NTM: variants seen among roughly 807,000 people sequenced by gnomAD.
NTM encodes neurotrimin.
NTM carries 13 observed loss-of-function variants against 42.1 expected under a neutral mutation model. That is an observed-to-expected ratio of 0.31 (90% CI 0.20 to 0.49). The LOEUF (loss-of-function observed/expected upper bound fraction) is 0.49. NTM is among the 20% of genes least tolerant of loss of function. The probability of loss-of-function intolerance (pLI) is 0.99; values close to 1 mark genes in which losing one functional copy is unlikely to be tolerated. For missense variants in NTM, 373 were observed against 452.8 expected (o/e 0.82, Z 1.60); for synonymous variants, 187 against 179.2 (o/e 1.04, Z -0.35).
intron 2 of NTM, among the ~76,000 whole-genome samples, chr11:132,016,765 T>C (rs1377493094): frequency 1.3e-5 from 2 of 151,930 alleles, no homozygotes; most frequent in Non-Finnish European, 2.9e-5. Flanking sequence ...CCACCAACAA[T>C]TTATGAGTTT....
At position 131,786,375 on chromosome 11, in the gene NTM, C is replaced by T. The variant is rs554954102; in HGVS notation, c.83-125189C>T. 9.8e-5 allele frequency among the ~76,000 whole-genome samples: 15 copies of T among 152,320 alleles called. No homozygotes were observed. In the East Asian group the frequency reaches 1.2e-3, roughly 12 times the overall value. On this transcript the variant is annotated intron_variant, in intron 1 of 8. Transcript: ENST00000683400. ...GGTTATATCTGTTTTACCATGTTTA[C>T]GCTCATGAATGCCTTACAAATTCTG...
intron 1 of NTM, among the ~76,000 whole-genome samples, chr11:131,642,396 C>A (rs1328584658): frequency 6.6e-6 from 1 of 152,200 alleles, no homozygotes; most frequent in Admixed American, 6.5e-5. Flanking sequence ...GTGGGAGAAG[C>A]AACTTTGAAA....
At chr11:131,639,241 A>G (rs1029119430) in intron 1 of NTM, among the ~76,000 whole-genome samples, 1 of 152,226 alleles carries the variant, frequency 6.6e-6, no homozygotes, top group African/African-American at 2.4e-5. Flanking sequence ...TAGACATACC[A>G]TTTGGAATGG....
At chr11:132,177,126 A>G (rs1413217008) in intron 3 of NTM, among the ~76,000 whole-genome samples, 1 of 152,202 alleles carries the variant, frequency 6.6e-6, no homozygotes. Context: ...ATAACAGTCT[A>G]AAGCTCAGCA....
intron 1 of NTM, among the ~76,000 whole-genome samples, chr11:131,892,045 T>C (rs1392026591): frequency 6.6e-6 from 1 of 152,228 alleles, no homozygotes; most frequent in Non-Finnish European, 1.5e-5. Context: ...GATTTGGAGT[T>C]AGACGACTAA....
At chr11:132,193,905 G>A (rs1041611610) in intron 3 of NTM, among the ~76,000 whole-genome samples, 1 of 152,042 alleles carries the variant, frequency 6.6e-6, no homozygotes, top group African/African-American at 2.4e-5. Context: ...AGCCTCCCAA[G>A]ATTGAACCAG....
At chr11:131,768,870 G>A (rs979198466) in intron 1 of NTM, among the ~76,000 whole-genome samples, 2 of 152,218 alleles carry the variant, frequency 1.3e-5, no homozygotes, top group African/African-American at 4.8e-5. Flanking sequence ...CAGAGTCCAG[G>A]CCAGTGTAGA....
intron 1 of NTM, among the ~76,000 whole-genome samples, chr11:131,500,842 G>T (rs1047053754): frequency 6.7e-6 from 1 of 148,186 alleles, no homozygotes; most frequent in African/African-American, 2.5e-5. Context: ...TGCGGTGTTT[G>T]GTTTTTTGTC....
At chr11:131,964,955 C>G (rs901185470) in intron 2 of NTM, among the ~76,000 whole-genome samples, 1 of 152,160 alleles carries the variant, frequency 6.6e-6, no homozygotes, top group Admixed American at 6.5e-5. Context: ...ATCAATAAAA[C>G]TTACCCTGGC....
intron 1 of NTM, among the ~76,000 whole-genome samples, chr11:131,787,671 G>A (rs1033922527): frequency 6.6e-5 from 10 of 152,066 alleles, no homozygotes; most frequent in Non-Finnish European, 1.5e-4. Flanking sequence ...TGTGAGCCAC[G>A]GCGCTCGGCC....
intron 1 of NTM, among the ~76,000 whole-genome samples, chr11:131,512,494 G>C (rs1220545772): frequency 6.6e-6 from 1 of 152,078 alleles, no homozygotes; most frequent in African/African-American, 2.4e-5. Context: ...CCCACAGCTG[G>C]GTGCCTCCTG....
intron 1 of NTM, among the ~76,000 whole-genome samples, chr11:131,697,845 T>C (rs1213614224): frequency 6.6e-6 from 1 of 152,218 alleles, no homozygotes; most frequent in Non-Finnish European, 1.5e-5. Context: ...TGTTTTCTCC[T>C]GTGCTTGGTA....
At chr11:132,166,484 A>G (rs939580492) in intron 3 of NTM, among the ~76,000 whole-genome samples, 1 of 152,158 alleles carries the variant, frequency 6.6e-6, no homozygotes. Flanking sequence ...TGAAGCCCCA[A>G]CACATGGAGG....
At chr11:131,513,957 T>C (rs2048575841) in intron 1 of NTM, among the ~76,000 whole-genome samples, 1 of 152,142 alleles carries the variant, frequency 6.6e-6, no homozygotes, top group African/African-American at 2.4e-5. Flanking sequence ...GACAGAAGCA[T>C]GCTCTGTGTC....
intron 2 of NTM, among the ~76,000 whole-genome samples, chr11:132,108,676 T>C (rs2062741024): frequency 6.6e-6 from 1 of 152,044 alleles, no homozygotes; most frequent in Admixed American, 6.6e-5. Flanking sequence ...AAAAACCTAT[T>C]GAAATAAAAA....
intron 2 of NTM, among the ~76,000 whole-genome samples, chr11:131,994,090 G>A (rs965034228): frequency 3.3e-5 from 5 of 151,824 alleles, no homozygotes; most frequent in African/African-American, 9.7e-5. Flanking sequence ...TGTCTCTAAA[G>A]GTGGAGAAAG....
At chr11:132,049,168 A>T (rs1447511637) in intron 2 of NTM, among the ~76,000 whole-genome samples, 1 of 152,126 alleles carries the variant, frequency 6.6e-6, no homozygotes, top group Non-Finnish European at 1.5e-5. Flanking sequence ...CAAAAGAGGA[A>T]ATCAGACACA....
intron 1 of NTM, among the ~76,000 whole-genome samples, chr11:131,476,181 C>G (rs1156800111): frequency 2.0e-5 from 3 of 152,186 alleles, no homozygotes; most frequent in Non-Finnish European, 4.4e-5. Context: ...ATTTTATGTT[C>G]TTGCCTAGGG....
intron 1 of NTM, among the ~76,000 whole-genome samples, chr11:131,905,268 T>C (rs949182663): frequency 6.6e-6 from 1 of 152,208 alleles, no homozygotes; most frequent in South Asian, 2.1e-4. Flanking sequence ...CTGGTCTGAG[T>C]CTAAAACCCA....
Sources: allele counts gnomAD v4.1 joint callset (sites outside exome capture counted in the v4.1 genomes callset), GRCh38; gene constraint gnomAD v4.1.1; transcripts MANE v1.5; gene names NCBI Gene and HGNC (gene_info 2026-07-23, HGNC 2026-07-21).